Variants in KYNU observed in about 807,000 individuals in gnomAD.
The protein encoded by KYNU is L-kynurenine hydrolase.
A neutral mutation model predicts 59.2 loss-of-function variants in KYNU; 54 were observed. The observed-to-expected ratio is 0.91, with a 90% confidence interval of 0.73 to 1.14. The LOEUF is 1.14. Ranked by LOEUF, KYNU falls within the 50% of genes most tolerant of loss-of-function variation. KYNU has a pLI of 0.00. For synonymous variants in KYNU, 177 were observed against 192.0 expected, an observed-to-expected ratio of 0.92 and a Z score of 0.65; for missense variants, 567 against 554.4, an observed-to-expected ratio of 1.02 and a Z score of -0.23.
At chr2:142,935,377 A>G (rs1283893444) in intron 4 of KYNU, among the ~76,000 whole-genome samples, 1 of 152,190 alleles carries the variant, frequency 6.6e-6, no homozygotes, top group Non-Finnish European at 1.5e-5. Flanking sequence ...TGATGGTGGC[A>G]TCCAGAGGCC....
At chr2:143,012,870 C>CT (rs1302278140) in intron 10 of KYNU, among the ~76,000 whole-genome samples, 1 of 152,300 alleles carries the variant, frequency 6.6e-6, no homozygotes, top group East Asian at 1.9e-4. Flanking sequence ...TCCCTCACAC[C>CT]TGTCTTTGGT....
Position 143,040,596 on chromosome 2 carries a change from A to G in KYNU, c.1210A>G (p.Thr404Ala), listed in dbSNP as rs1380785963. 1 of 1,612,208 alleles carries G rather than the reference A, an allele frequency of 6.2e-7. No homozygotes were observed. Among genetic ancestry groups the G allele is most frequent in the African/African-American group, 1.3e-5 (1 of 74,958 alleles). ...TGTAGAGGAGCGGGGGTGCCAGCTA[A>G]CAATAACATTTTCTGTTCCAAACAA... ...SHVEERGCQL[T>A]ITFSVPNKDV... Residue 404 changes from threonine to alanine, a missense_variant, in exon 13 of 14, where the codon ACA becomes GCA. Physicochemically the swap from Thr to Ala is moderately conservative, Grantham distance 58 (BLOSUM62 0). Coordinates refer to ENST00000264170, the MANE Select transcript of KYNU (RefSeq NM_003937.3).
chr2:142,921,022 T>C (rs1468008777), intron 3 of KYNU, among the ~76,000 whole-genome samples: 3 of 152,176 alleles, frequency 2.0e-5, no homozygotes, highest in Admixed American at 6.5e-5. Context: ...AGTACTTAGG[T>C]CAAAGTGATT....
chr2:142,962,361 A>T (rs1684382959), intron 8 of KYNU, among the ~76,000 whole-genome samples: 1 of 152,210 alleles, frequency 6.6e-6, no homozygotes, highest in Non-Finnish European at 1.5e-5. Context: ...CCCACCTTAC[A>T]GGTTCAGTGT....
intron 13 of KYNU, 35 bp from the exon 14 acceptor site, chr2:143,042,012 G>GCTAA: frequency 6.2e-7 from 1 of 1,607,870 alleles, no homozygotes; most frequent in Non-Finnish European, 8.5e-7. Flanking sequence ...TGTGAATAAT[G>GCTAA]CTAACATTAT....
At chr2:142,974,557 T>A (rs907317361) in intron 8 of KYNU, among the ~76,000 whole-genome samples, 1 of 152,228 alleles carries the variant, frequency 6.6e-6, no homozygotes, top group Admixed American at 6.5e-5. Context: ...GCCATCTATT[T>A]GCATAACTAG....
intron 8 of KYNU, among the ~76,000 whole-genome samples, chr2:142,978,993 A>G (rs1684974877): frequency 6.6e-6 from 1 of 152,172 alleles, no homozygotes. Flanking sequence ...TTACCATTTT[A>G]TGTTTCATTT....
At chr2:142,921,652 T>C (rs1453115860) in intron 3 of KYNU, among the ~76,000 whole-genome samples, 1 of 151,898 alleles carries the variant, frequency 6.6e-6, no homozygotes, top group African/African-American at 2.4e-5. Flanking sequence ...TACAAAAAAA[T>C]ACAAAAATTA....
At chr2:143,017,857 G>A (rs1413554350) in intron 10 of KYNU, among the ~76,000 whole-genome samples, 1 of 152,008 alleles carries the variant, frequency 6.6e-6, no homozygotes, top group Non-Finnish European at 1.5e-5. Context: ...TTGACCAATT[G>A]TATGTCTTCT....
intron 2 of KYNU, among the ~76,000 whole-genome samples, chr2:142,895,283 TA>T (rs1402140633): frequency 6.6e-6 from 1 of 152,212 alleles, no homozygotes; most frequent in Non-Finnish European, 1.5e-5. Context: ...TAGCCCTTTG[TA>T]ACCAATCTCT....
intron 4 of KYNU, among the ~76,000 whole-genome samples, chr2:142,936,553 C>T (rs1454607790): frequency 6.6e-6 from 1 of 152,194 alleles, no homozygotes; most frequent in Admixed American, 6.5e-5. Context: ...GTGATCGTCA[C>T]TGCTGCCTTT....
intron 10 of KYNU, 35 bp from the exon 11 acceptor site, chr2:143,029,592 C>T (rs6429999): frequency 1.4e-6 from 2 of 1,400,494 alleles, no homozygotes; most frequent in South Asian, 2.3e-5. Context: ...TCCAAAAAAA[C>T]CCCCAAAAAC....
chr2:142,983,199 A>AT (rs1221027191), intron 8 of KYNU, among the ~76,000 whole-genome samples: 11 of 151,592 alleles, frequency 7.3e-5, no homozygotes, highest in African/African-American at 2.7e-4. Context: ...GCTGATCCAG[A>AT]TTGAGTTCAG....
At position 143,042,894 on chromosome 2, in the gene KYNU, A is replaced by T. The variant is rs936639464; in HGVS notation, c.*722A>T. Reference sequence around the variant, plus strand: ...CCATCTTTCTCGTTACCATCTATGAAATTAGCATGCATCTCAAATAAACAG... The same window carrying T: ...CCATCTTTCTCGTTACCATCTATGATATTAGCATGCATCTCAAATAAACAG... On this transcript the variant is annotated 3_prime_UTR_variant, in exon 14 of 14. Coordinates refer to ENST00000264170, the MANE Select transcript of KYNU (RefSeq NM_003937.3). 1 of 151,578 alleles carries T rather than the reference A, an allele frequency of 6.6e-6. No homozygotes were observed. Among genetic ancestry groups the T allele is most frequent in the African/African-American group, 2.4e-5 (1 of 41,302 alleles). The allele number at this position is 151,578 out of a possible 1,614,324, so 9.4% of individuals were successfully genotyped here.
At chr2:142,898,872 G>A (rs113432559) in intron 2 of KYNU, among the ~76,000 whole-genome samples, 2,731 of 152,254 alleles carry the variant, frequency 0.018, 67 homozygotes, top group African/African-American at 0.063. Context: ...GGAACCCAGC[G>A]ACTAGTGTTC....
chr2:142,985,086 T>C lies in KYNU; in HGVS notation c.732T>C (p.Gly244=), dbSNP rs998404119. 4.4e-6 allele frequency: 7 copies of C among 1,579,052 alleles called. No homozygotes were observed. In the Admixed American group the frequency reaches 1.2e-4, roughly 26 times the overall value. ...CTTATTATTGTGTTCTTCCCTAGGG[T>C]TGTTATGTTGGCTTTGATCTAGCAC... ...PAITKAGQAK[G]CYVGFDLAHA... is the part of the protein sequence containing the mutation. Residue 244 remains glycine, a splice_region_variant and synonymous_variant, in exon 9 of 14, where the codon GGT becomes GGC. Transcript: ENST00000264170.
intron 3 of KYNU, among the ~76,000 whole-genome samples, chr2:142,922,255 C>T (rs1682907564): frequency 1.3e-5 from 2 of 152,302 alleles, no homozygotes; most frequent in South Asian, 4.1e-4. Context: ...AACCCCAGGA[C>T]TTTGGGAGGC....
At chr2:143,000,338 C>T (rs1481777969) in intron 10 of KYNU, among the ~76,000 whole-genome samples, 1 of 152,100 alleles carries the variant, frequency 6.6e-6, no homozygotes, top group Non-Finnish European at 1.5e-5. Context: ...TTTTCCACAT[C>T]CAGAGTACTC....
chr2:143,041,741 C>T (rs753422508), intron 13 of KYNU, among the ~76,000 whole-genome samples: 1 of 149,906 alleles, frequency 6.7e-6, no homozygotes, highest in Non-Finnish European at 1.5e-5. Flanking sequence ...ATGGGGTCCC[C>T]ACGGGAAAAA....
Sources: gnomAD v4.1 joint callset for allele counts (sites outside exome capture counted in the v4.1 genomes callset) on GRCh38, gnomAD v4.1.1 for gene constraint, MANE v1.5 for transcripts, NCBI Gene and HGNC (gene_info 2026-07-23, HGNC 2026-07-21) for gene names.